The following YTHDF3 variants were observed in gnomAD, a reference collection of about 807,000 sequenced individuals.
The protein encoded by YTHDF3 is YTH N6-methyladenosine RNA binding protein F3, also known as YTH domain-containing family protein 3.
Under a neutral mutation model 52.5 loss-of-function variants are expected in YTHDF3, and 9 were observed. That is an observed-to-expected ratio of 0.17 (90% CI 0.10 to 0.30). The LOEUF (loss-of-function observed/expected upper bound fraction) is 0.30, where lower values mean the gene tolerates loss of function less well. YTHDF3 is among the 10% of genes least tolerant of loss of function. The pLI is 1.00. For synonymous variants in YTHDF3, 274 were observed against 243.3 expected (o/e 1.13, Z -1.18); for missense variants, 534 against 715.0 (o/e 0.75, Z 2.89).
intron 2 of YTHDF3, among the ~76,000 whole-genome samples, chr8:63,171,740 AAT>A (rs1212169734): frequency 1.3e-5 from 2 of 152,198 alleles, no homozygotes; most frequent in Non-Finnish European, 2.9e-5. Flanking sequence ...CAGTATTCTA[AAT>A]ATGAGTAATC....
chr8:63,187,792 G>A (rs780075372), intron 4 of YTHDF3, 47 bp downstream of exon 4: 2 of 1,518,262 alleles, frequency 1.3e-6, no homozygotes, highest in Admixed American at 2.3e-5. Context: ...ATTGCTGGTG[G>A]GGTGCATGGA....
chr8:63,179,183 GT>G (rs1431259711), intron 3 of YTHDF3, among the ~76,000 whole-genome samples: 1 of 149,952 alleles, frequency 6.7e-6, no homozygotes, highest in Non-Finnish European at 1.5e-5. Flanking sequence ...AAGGAATAAT[GT>G]TCATAGTAAT....
At chr8:63,169,080 G>A (rs905339551) in intron 1 of YTHDF3, 179 bp downstream of exon 1, 4 of 1,384,596 alleles carry the variant, frequency 2.9e-6, no homozygotes, top group Non-Finnish European at 2.8e-6. Context: ...GTAGCTTGCG[G>A]GCGGGCGGGC....
chr8:63,193,567 G>A (rs761487115), intron 4 of YTHDF3, among the ~76,000 whole-genome samples: 1 of 152,034 alleles, frequency 6.6e-6, no homozygotes, highest in Admixed American at 6.6e-5. Flanking sequence ...ACCAGCCTGA[G>A]TAGCACAATG....
At chr8:63,191,570 T>TA (rs1563406117) in intron 4 of YTHDF3, among the ~76,000 whole-genome samples, 2 of 152,288 alleles carry the variant, frequency 1.3e-5, no homozygotes, top group East Asian at 3.9e-4. Context: ...TTTCTGTACT[T>TA]AATGTTTTTA....
rs906756052 is a variant in YTHDF3, at chr8:63,186,495, C to G, written c.484C>G (p.Leu162Val). The G allele has an allele frequency of 6.2e-7, 1 of 1,613,854 alleles. No individual in the cohort carries two copies. The highest frequency in any genetic ancestry group is 1.3e-5 in the African/African-American group (1 of 74,910). Reference sequence around the variant, plus strand: ...CAGTTATGGCTATCCACCTAGTTCTCTTGGGAGAGCTATTACTGATGGACA... The same window carrying G: ...CAGTTATGGCTATCCACCTAGTTCTGTTGGGAGAGCTATTACTGATGGACA... Reference protein sequence around the residue: ...SSSYGYPPSSLGRAITDGQAG... With the variant: ...SSSYGYPPSSVGRAITDGQAG... Residue 162 changes from leucine (L) to valine (V), a missense_variant, in exon 4 of 5, where the codon CTT (leucine) becomes GTT (valine). This residue lies in a region of YTHDF3 where 196 missense variants were observed against 299.5 expected (regional missense o/e 0.65). Coordinates refer to ENST00000539294, the MANE Select transcript of YTHDF3 (RefSeq NM_152758.6).
chr8:63,177,944 G>A (rs888999971), intron 3 of YTHDF3, among the ~76,000 whole-genome samples: 1 of 152,016 alleles, frequency 6.6e-6, no homozygotes, highest in African/African-American at 2.4e-5. Context: ...TTTTAGGAGA[G>A]GTGAGGTTTC....
chr8:63,172,696 A>G, intron 2 of YTHDF3: 1 of 1,088,632 alleles, frequency 9.2e-7, no homozygotes, highest in Non-Finnish European at 1.2e-6. Flanking sequence ...TCCTAACTTG[A>G]TGTAGTCAGG....
intron 1 of YTHDF3, 83 bp from the exon 2 acceptor site, chr8:63,169,304 T>C: frequency 6.6e-7 from 1 of 1,510,414 alleles, no homozygotes; most frequent in Middle Eastern, 1.7e-4. Context: ...AAATAACTTG[T>C]CTTTGATAAT....
At chr8:63,179,261 C>T (rs1342888895) in intron 3 of YTHDF3, among the ~76,000 whole-genome samples, 2 of 150,062 alleles carry the variant, frequency 1.3e-5, no homozygotes, top group African/African-American at 4.9e-5. Context: ...GGGTGTTTCT[C>T]GCAGAGGGGG....
In YTHDF3 at chr8:63,191,867, A is replaced by G. The variant is rs144203622; in HGVS notation, c.1734+4122A>G. Among the ~76,000 whole-genome samples, 28 of 152,328 alleles carry G rather than the reference A, an allele frequency of 1.8e-4. No homozygotes were observed. The East Asian group carries it at 5.2e-3, about 28-fold the overall frequency. ...TTTTATTACTAGGTAGTTTTCTATT[A>G]CATGGATGGATGACCATTGTGTCTA... On this transcript the variant is annotated intron_variant, in intron 4 of 4. Transcript: ENST00000539294.
At chr8:63,200,934 G>T (rs921023835) in intron 4 of YTHDF3, among the ~76,000 whole-genome samples, 11 of 152,038 alleles carry the variant, frequency 7.2e-5, no homozygotes, top group African/African-American at 2.7e-4. Flanking sequence ...ACTTAGGGAG[G>T]GGAGGCAGTA....
At position 63,210,503 on chromosome 8, in the gene YTHDF3, T is replaced by C. The variant is rs978887125; in HGVS notation, c.*797T>C. 6.6e-6 allele frequency: 1 copy of C among 152,632 alleles called. No homozygotes were observed. Among genetic ancestry groups the C allele is most frequent in the Non-Finnish European group, 1.5e-5 (1 of 68,020 alleles). 9.5% of individuals were successfully genotyped at this position (152,632 alleles called of 1,614,324 possible). A position where few individuals can be genotyped will look rare whatever the true frequency, so the allele number is the denominator to read the frequency against. Reference sequence around the variant, plus strand: ...AATGTACCTCAGTCTAATCAGACTTTTTATGACCTTTATAACTACATTTAA... The same window carrying C: ...AATGTACCTCAGTCTAATCAGACTTCTTATGACCTTTATAACTACATTTAA... On this transcript the variant is annotated 3_prime_UTR_variant, in exon 5 of 5. Transcript: ENST00000539294.
intron 4 of YTHDF3, among the ~76,000 whole-genome samples, chr8:63,189,891 A>G (rs1808804841): frequency 6.6e-6 from 1 of 152,182 alleles, no homozygotes; most frequent in African/African-American, 2.4e-5. Flanking sequence ...AACCTTTTAG[A>G]TGGGTTGCTG....
intron 4 of YTHDF3, among the ~76,000 whole-genome samples, chr8:63,203,530 C>T (rs1244889751): frequency 1.3e-5 from 2 of 152,132 alleles, no homozygotes; most frequent in Non-Finnish European, 2.9e-5. Flanking sequence ...CAGGGAATTT[C>T]TGTATATTCT....
intron 4 of YTHDF3, among the ~76,000 whole-genome samples, chr8:63,202,922 G>A (rs1448271452): frequency 1.3e-5 from 2 of 151,928 alleles, no homozygotes; most frequent in East Asian, 1.9e-4. Context: ...ACACGCACAC[G>A]GTGTTTTTTA....
chr8:63,180,880 A>G (rs1399378517), intron 3 of YTHDF3, among the ~76,000 whole-genome samples: 1 of 152,112 alleles, frequency 6.6e-6, no homozygotes, highest in East Asian at 1.9e-4. Flanking sequence ...AGGCTGAGGC[A>G]GGAGAATCAG....
intron 4 of YTHDF3, among the ~76,000 whole-genome samples, chr8:63,205,497 A>G (rs1809969827): frequency 6.8e-6 from 1 of 147,896 alleles, no homozygotes; most frequent in Non-Finnish European, 1.5e-5. Context: ...GCAGTGGTGC[A>G]ATCTTGGCTC....
chr8:63,212,346 TTTTAA>T lies in YTHDF3; in HGVS notation c.*2646_*2650del, dbSNP rs1432584599. 6.6e-6 allele frequency: 1 copy of T among 152,640 alleles called. No homozygotes were observed. Among genetic ancestry groups the T allele is most frequent in the Non-Finnish European group, 1.5e-5 (1 of 68,036 alleles). The allele number at this position is 152,640 out of a possible 1,614,324, so 9.5% of individuals were successfully genotyped here. On this transcript the variant is annotated 3_prime_UTR_variant, in exon 5 of 5. Coordinates refer to ENST00000539294, the MANE Select transcript of YTHDF3 (RefSeq NM_152758.6). ...CCTAATTTTAGTACTTAATTTCTCT[TTTTAA>T]TTTAAGTGATCTTTCTAATTCGAAA...
Sources: gnomAD v4.1 joint callset for allele counts (sites outside exome capture counted in the v4.1 genomes callset) on GRCh38, gnomAD v4.1.1 for gene constraint, gnomAD v4.1.1 regional missense constraint, MANE v1.5 for transcripts, NCBI Gene and HGNC (gene_info 2026-07-23, HGNC 2026-07-21) for gene names.